The following OCLN variants were observed in gnomAD, a reference collection of about 807,000 sequenced individuals.
OCLN encodes the protein phosphatase 1, regulatory subunit 115.
A neutral mutation model predicts 47.9 loss-of-function variants in OCLN; 21 were observed. The ratio of observed to expected loss-of-function variants is 0.44; its 90% CI spans 0.31 to 0.63. OCLN has a LOEUF of 0.63. Among genes scored for constraint, OCLN ranks in the 30% least tolerant of loss-of-function variants. OCLN has a pLI of 0.08. For missense variants in OCLN, 360 were observed against 571.0 expected (o/e 0.63, Z 3.77); for synonymous variants, 117 against 198.4 (o/e 0.59, Z 3.45).
chr5:69,520,070 T>C (rs907539962), intron 4 of OCLN, among the ~76,000 whole-genome samples: 1 of 152,174 alleles, frequency 6.6e-6, no homozygotes, highest in Non-Finnish European at 1.5e-5. Flanking sequence ...GTGATTCTCC[T>C]GCCTCAGCCT....
At chr5:69,528,249 AG>A (rs929885957) in intron 4 of OCLN, among the ~76,000 whole-genome samples, 2 of 152,090 alleles carry the variant, frequency 1.3e-5, no homozygotes, top group African/African-American at 4.8e-5. Context: ...AGGGCTGAGG[AG>A]GGTGGAATGG....
chr5:69,529,267 A>G lies in OCLN; in HGVS notation c.892-5427A>G, dbSNP rs116619691. 3.8e-3 allele frequency among the ~76,000 whole-genome samples: 574 copies of G among 152,282 alleles called. 5 individuals are homozygous for G. The highest frequency in any genetic ancestry group is 6.8e-3 in the Middle Eastern group (2 of 294). ...CTGCCCTGTTTGTTTTCCTGTTGGC[A>G]TCCCACAGGGGTTTAGGATGTTTTC... On this transcript the variant is annotated intron_variant, in intron 4 of 8. Transcript: ENST00000396442.
intron 4 of OCLN, among the ~76,000 whole-genome samples, chr5:69,515,068 G>A (rs1024309005): frequency 6.6e-6 from 1 of 152,162 alleles, no homozygotes; most frequent in African/African-American, 2.4e-5. Context: ...TGGTGGCTGG[G>A]CAGAGGGGCT....
intron 4 of OCLN, among the ~76,000 whole-genome samples, chr5:69,516,661 C>G (rs1209907351): frequency 6.6e-6 from 1 of 152,126 alleles, no homozygotes; most frequent in Non-Finnish European, 1.5e-5. Flanking sequence ...AAAATATATA[C>G]TATTAATCTT....
chr5:69,514,363 CAGAA>C (rs1029832138), intron 4 of OCLN, among the ~76,000 whole-genome samples: 3 of 152,054 alleles, frequency 2.0e-5, no homozygotes, highest in African/African-American at 7.2e-5. Flanking sequence ...AAAAATCATG[CAGAA>C]AGAACTTGGC....
At chr5:69,525,699 A>G (rs1376060252) in intron 4 of OCLN, among the ~76,000 whole-genome samples, 4 of 152,178 alleles carry the variant, frequency 2.6e-5, no homozygotes, top group Non-Finnish European at 5.9e-5. Context: ...TTTATGAGGC[A>G]TAGTCCTGAG....
intron 4 of OCLN, among the ~76,000 whole-genome samples, chr5:69,519,639 C>T (rs1446566898): frequency 6.6e-6 from 1 of 152,082 alleles, no homozygotes; most frequent in African/African-American, 2.4e-5. Context: ...GTTCTGCCCT[C>T]AAATTTCAGA....
chr5:69,499,975 G>T (rs1184921471), intron 1 of OCLN, among the ~76,000 whole-genome samples: 1 of 152,214 alleles, frequency 6.6e-6, no homozygotes, highest in African/African-American at 2.4e-5. Context: ...GTCTCAGATT[G>T]CGAGCCAGTA....
At chr5:69,503,139 T>C (rs1005898775) in intron 1 of OCLN, among the ~76,000 whole-genome samples, 1 of 152,212 alleles carries the variant, frequency 6.6e-6, no homozygotes, top group African/African-American at 2.4e-5. Context: ...GTCTGATGAA[T>C]GTTAGTTTCC....
chr5:69,494,041 T>C (rs1768221745), intron 1 of OCLN, among the ~76,000 whole-genome samples: 1 of 152,204 alleles, frequency 6.6e-6, no homozygotes, highest in East Asian at 1.9e-4. Context: ...AACAGGTGTA[T>C]TATTGGGATA....
chr5:69,496,039 T>G (rs1768278321), intron 1 of OCLN, among the ~76,000 whole-genome samples: 1 of 152,222 alleles, frequency 6.6e-6, no homozygotes, highest in Non-Finnish European at 1.5e-5. Context: ...ACTTCAAATT[T>G]TTAGACAATT....
chr5:69,515,054 G>A (rs1013538034), intron 4 of OCLN, among the ~76,000 whole-genome samples: 126 of 152,288 alleles, frequency 8.3e-4, no homozygotes, highest in Non-Finnish European at 1.6e-3. Context: ...CCTCCCAGAC[G>A]GGGTGGTGGC....
intron 1 of OCLN, among the ~76,000 whole-genome samples, chr5:69,497,528 C>T (rs1768331860): frequency 6.6e-6 from 1 of 151,696 alleles, no homozygotes; most frequent in South Asian, 2.1e-4. Context: ...GCTGGGATTA[C>T]AAGCACACAC....
intron 3 of OCLN, among the ~76,000 whole-genome samples, chr5:69,511,260 T>G (rs1176269985): frequency 6.7e-6 from 1 of 149,484 alleles, no homozygotes; most frequent in Non-Finnish European, 1.5e-5. Context: ...TTTTTTTGTA[T>G]TTTTAGTAGA....
chr5:69,521,050 G>T (rs1050706710), intron 4 of OCLN, among the ~76,000 whole-genome samples: 1 of 151,824 alleles, frequency 6.6e-6, no homozygotes, highest in African/African-American at 2.4e-5. Flanking sequence ...GTTTCACCAC[G>T]TTGGTCGAAC....
intron 1 of OCLN, among the ~76,000 whole-genome samples, chr5:69,500,012 T>A (rs1768411469): frequency 6.6e-6 from 1 of 152,234 alleles, no homozygotes. Flanking sequence ...ACCACTAGGT[T>A]GTTTCAAACT....
intron 4 of OCLN, among the ~76,000 whole-genome samples, chr5:69,518,504 C>T (rs536135470): frequency 6.6e-6 from 1 of 152,316 alleles, no homozygotes; most frequent in East Asian, 1.9e-4. Flanking sequence ...TCTCCCCTCA[C>T]CTGCCCAAGT....
In OCLN at chr5:69,550,707, T is replaced by G. The variant is rs199848101; in HGVS notation, c.1426-837T>G. ...TTTTTAGTTTTGACGTATTCACATC[T>G]TTATATAGTTAGATTTATGTATTTC... On this transcript the variant is annotated intron_variant, in intron 7 of 8. Transcript: ENST00000396442. Among the ~76,000 whole-genome samples the G allele has an allele frequency of 9.7e-4, 81 of 83,696 alleles. 3 individuals carry two copies. In the East Asian group the frequency reaches 0.031, roughly 32 times the overall value. 54.9% of individuals were successfully genotyped at this position (83,696 alleles called of 152,430 possible). A position where few individuals can be genotyped will look rare whatever the true frequency, so the allele number is the denominator to read the frequency against.
At position 69,555,372 on chromosome 5, in the gene OCLN, T is replaced by C. The variant is rs1449414601; in HGVS notation, c.*1701T>C. On this transcript the variant is annotated 3_prime_UTR_variant, in exon 9 of 9. Coordinates refer to ENST00000396442, the MANE Select transcript of OCLN (RefSeq NM_001205254.2). ...TCCGCCTCCCAGGTTCAAACAATTC[T>C]CCTGCCTCGGCCTCCCGAGTAGCTG... is the stretch of plus-strand genomic sequence containing the variant. 2 of 148,522 alleles carry C rather than the reference T, an allele frequency of 1.3e-5. No individual in the cohort carries two copies. Among genetic ancestry groups the C allele is most frequent in the Non-Finnish European group, 3.0e-5 (2 of 67,184 alleles). 9.2% of individuals were successfully genotyped at this position (148,522 alleles called of 1,614,324 possible).
Sources: gnomAD v4.1 joint callset for allele counts (sites outside exome capture counted in the v4.1 genomes callset) on GRCh38, gnomAD v4.1.1 for gene constraint, MANE v1.5 for transcripts, NCBI Gene and HGNC (gene_info 2026-07-23, HGNC 2026-07-21) for gene names.